SLIT1: variants seen among roughly 807,000 people sequenced by gnomAD.
SLIT1 encodes slit homolog 1 protein.
SLIT1 carries 66 observed loss-of-function variants against 186.1 expected under a neutral mutation model. That is an observed-to-expected ratio of 0.35 (90% CI 0.29 to 0.44). The LOEUF (loss-of-function observed/expected upper bound fraction) is 0.44, where lower values mean the gene tolerates loss of function less well. Ranked by LOEUF, SLIT1 falls within the 20% of genes least tolerant of loss-of-function variation. The probability of loss-of-function intolerance (pLI) is 1.00; values close to 1 mark genes in which losing one functional copy is unlikely to be tolerated. For synonymous variants in SLIT1, 761 were observed against 833.8 expected (o/e 0.91, Z 1.50); for missense variants, 1,638 against 2,037.4 (o/e 0.80, Z 3.77).
At chr10:97,123,071 C>T (rs1243043599) in intron 4 of SLIT1, among the ~76,000 whole-genome samples, 1 of 152,196 alleles carries the variant, frequency 6.6e-6, no homozygotes, top group Admixed American at 6.5e-5. Context: ...AACCAATATC[C>T]CCAAAACAGA....
chr10:97,065,319 G>A (rs1443606356), intron 5 of SLIT1, among the ~76,000 whole-genome samples: 1 of 152,188 alleles, frequency 6.6e-6, no homozygotes, highest in African/African-American at 2.4e-5. Context: ...AGAGTAAACT[G>A]AAGCTGTGAG....
chr10:97,013,627 C>T, intron 30 of SLIT1, 114 bp downstream of exon 30: 2 of 782,600 alleles, frequency 2.6e-6, no homozygotes, highest in Non-Finnish European at 4.3e-6. Flanking sequence ...AGAGCTGAGA[C>T]CAAACCCATT....
intron 18 of SLIT1, 142 bp downstream of exon 18, chr10:97,046,512 C>T: frequency 1.2e-6 from 1 of 812,528 alleles, no homozygotes. Context: ...CCTGTCCCAA[C>T]ACAGTCAGGA....
Position 97,004,743 on chromosome 10 carries a change from A to G in SLIT1, c.3660T>C (p.His1220=), listed in dbSNP as rs768815389. The change falls in exon 33 of 37, where the codon CAT becomes CAC. Residue 1220 remains histidine, a synonymous_variant. Coordinates refer to ENST00000266058, the MANE Select transcript of SLIT1 (RefSeq NM_003061.3). This position sits in a 1 kb window ranked among gnomAD's most constrained non-coding sequence, Gnocchi z 5.1. ...DHIAVELYQG[H]VRVSYDPGSY... ...TGCCTGGGTCGTAGCTGACACGCAC[A>G]TGGCCCTGGTACAGCTCAACTGCAA... 1.9e-6 allele frequency: 3 copies of G among 1,614,002 alleles called. No individual in the cohort carries two copies. The highest frequency in any genetic ancestry group is 3.3e-5 in the Admixed American group (2 of 59,996).
chr10:97,002,415 G>C (rs144697501), intron 35 of SLIT1, 46 bp from the exon 36 acceptor site: 1 of 1,456,212 alleles, frequency 6.9e-7, no homozygotes, highest in Non-Finnish European at 9.3e-7. Context: ...ACCCAGCCAA[G>C]CCCCACCTGA....
At chr10:97,015,668 A>G (rs995914846) in intron 28 of SLIT1, among the ~76,000 whole-genome samples, 1 of 152,242 alleles carries the variant, frequency 6.6e-6, no homozygotes, top group Non-Finnish European at 1.5e-5. Context: ...ATACAGTCCA[A>G]TAAAATTTTC....
chr10:97,019,710 G>A (rs1330126631), intron 26 of SLIT1, among the ~76,000 whole-genome samples: 1 of 152,108 alleles, frequency 6.6e-6, no homozygotes, highest in Non-Finnish European at 1.5e-5. Context: ...AGGATGCACT[G>A]GTTGTAGAAG....
At chr10:97,165,789 G>A (rs1051013746) in intron 1 of SLIT1, among the ~76,000 whole-genome samples, 2 of 152,090 alleles carry the variant, frequency 1.3e-5, no homozygotes, top group African/African-American at 4.8e-5. Context: ...CTGGGTCCTG[G>A]GGCCAGGCCT....
Position 97,064,821 on chromosome 10 carries a change from G to T in SLIT1, c.541C>A (p.Arg181=), listed in dbSNP as rs758556942. 2 of 1,610,854 alleles carry T rather than the reference G, an allele frequency of 1.2e-6. No homozygotes were observed. The highest frequency in any genetic ancestry group is 2.7e-5 in the African/African-American group (2 of 74,716). The change falls in exon 6 of 37, where the codon CGG becomes AGG. Residue 181 remains arginine, a synonymous_variant. Coordinates refer to ENST00000266058, the MANE Select transcript of SLIT1 (RefSeq NM_003061.3). ...TTTACTTACAGCACCTCCAGCCCCC[G>T]CAGAGCACGGAAGGCCCCTTCCTCA... ...CIEEGAFRAL[R]GLEVLTLNNN...
Position 96,998,820 on chromosome 10 carries a change from G to C in SLIT1, c.*2292C>G, listed in dbSNP as rs1399498579. 1 of 152,304 alleles carries C rather than the reference G, an allele frequency of 6.6e-6. No homozygotes were observed. The highest frequency in any genetic ancestry group is 2.4e-5 in the African/African-American group (1 of 41,450). The allele number at this position is 152,304 out of a possible 1,614,324, so 9.4% of individuals were successfully genotyped here. A position where few individuals can be genotyped will look rare whatever the true frequency, so the allele number is the denominator to read the frequency against. On this transcript the variant is annotated 3_prime_UTR_variant, in exon 37 of 37. Coordinates refer to ENST00000266058, the MANE Select transcript of SLIT1 (RefSeq NM_003061.3). ...CATGGTGCTCCCTAGGAACAAACAT[G>C]CCAGCCGCTCACCTCCCAGCCCCAT...
chr10:97,027,257 G>A (rs547990316), intron 25 of SLIT1, among the ~76,000 whole-genome samples: 15 of 152,276 alleles, frequency 9.9e-5, no homozygotes, highest in East Asian at 7.7e-4. Flanking sequence ...TCCTTTTACC[G>A]TTCTTCAATT....
In SLIT1 at chr10:97,011,061, G is replaced by A. The variant is rs187279466; in HGVS notation, c.3273C>T (p.Arg1091=). The change falls in exon 31 of 37, where the codon CGC becomes CGT. Residue 1091 remains arginine, a synonymous_variant. Transcript: ENST00000266058. ...CCATACACTGGGCCCCATTCTGGCA[G>A]CGGTGGTCCCTGCAGTCATCCTGGT... ...SENQDDCRDH[R]CQNGAQCMDE... is the part of the protein sequence containing the mutation. 5.5e-5 allele frequency: 88 copies of A among 1,613,988 alleles called. No homozygotes were observed. In the African/African-American group the frequency reaches 8.4e-4, roughly 15 times the overall value.
At position 97,004,190 on chromosome 10, in the gene SLIT1, G is replaced by A. The variant is rs960835833; in HGVS notation, c.3743C>T (p.Thr1248Ile). The change falls in exon 34 of 37, where the codon ACC (threonine) becomes ATC (isoleucine). Residue 1248 changes from threonine (T) to isoleucine (I), a missense_variant. By Grantham distance (89) the Thr-to-Ile change is moderately conservative (BLOSUM62 -1). Coordinates refer to ENST00000266058, the MANE Select transcript of SLIT1 (RefSeq NM_003061.3). The surrounding 1 kb of genome is among the most constrained non-coding windows in gnomAD (Gnocchi z 5.1). The part of the protein sequence containing the change: ...AETINDGQFH[T>I]VELVAFDQMV... ...CTGGTCAAAGGCAACCAGCTCAACG[G>A]TGTGGAATTGCCCATCGTTGATCGT... 3 of 1,612,130 alleles carry A rather than the reference G, an allele frequency of 1.9e-6. No individual in the cohort carries two copies. In the African/African-American group the frequency reaches 4.0e-5, roughly 22 times the overall value.
At chr10:97,169,262 T>A (rs1355973169) in intron 1 of SLIT1, among the ~76,000 whole-genome samples, 1 of 152,142 alleles carries the variant, frequency 6.6e-6, no homozygotes, top group East Asian at 1.9e-4. Flanking sequence ...ATGCCTCCTC[T>A]CAGGGGAGAG....
At chr10:97,008,891 A>T (rs11188987) in intron 31 of SLIT1, among the ~76,000 whole-genome samples, 22,490 of 150,896 alleles carry the variant, frequency 0.15, 2,152 homozygotes, top group East Asian at 0.41. Context: ...TATTATTATT[A>T]TTTTTTGAGA....
At chr10:97,132,963 T>C (rs1401996478) in intron 4 of SLIT1, among the ~76,000 whole-genome samples, 1 of 152,138 alleles carries the variant, frequency 6.6e-6, no homozygotes, top group Non-Finnish European at 1.5e-5. Flanking sequence ...CGGCCCCACG[T>C]CCAAGGCAGG....
chr10:97,090,463 G>C (rs1849218469), intron 4 of SLIT1, among the ~76,000 whole-genome samples: 1 of 152,234 alleles, frequency 6.6e-6, no homozygotes, highest in Non-Finnish European at 1.5e-5. Flanking sequence ...GGGTCACGGA[G>C]AGCCTCGGAG....
intron 23 of SLIT1, 47 bp from the exon 24 acceptor site, chr10:97,031,724 C>T: frequency 1.4e-6 from 2 of 1,473,008 alleles, no homozygotes; most frequent in Non-Finnish European, 1.9e-6. Context: ...AGTGCCTGGC[C>T]CCTGTGGGCA....
In SLIT1 at chr10:97,060,642, C is replaced by A; in HGVS notation, c.939G>T (p.Glu313Asp). The change falls in exon 9 of 37, where the codon GAG (glutamate) becomes GAT (aspartate). Residue 313 changes from glutamate to aspartate, a missense_variant and splice_region_variant. By Grantham distance (45) the Glu-to-Asp change is conservative (BLOSUM62 2). Transcript: ENST00000266058. ...CATCTGCCCTGCCCCGTACTCACAT[C>A]TCCGTCATGGTCTCGGGCAGGTTGG... is the stretch of plus-strand genomic sequence containing the variant. ...IPANLPETMT[E>D]IRLELNGIKS... The A allele has an allele frequency of 6.2e-7, 1 of 1,612,862 alleles. No individual in the cohort carries two copies. The highest frequency in any genetic ancestry group is 8.5e-7 in the Non-Finnish European group (1 of 1,180,042).
Sources: gnomAD v4.1 joint callset for allele counts (sites outside exome capture counted in the v4.1 genomes callset) on GRCh38, gnomAD v4.1.1 for gene constraint, Gnocchi (gnomAD v3.1) non-coding constraint, MANE v1.5 for transcripts, NCBI Gene and HGNC (gene_info 2026-07-23, HGNC 2026-07-21) for gene names.